The following PPP1R3F variants were observed in gnomAD, a reference collection of about 807,000 sequenced individuals.
PPP1R3F encodes protein phosphatase 1, regulatory (inhibitor) subunit 3F.
PPP1R3F carries 29 observed loss-of-function variants against 24.2 expected under a neutral mutation model. That is an observed-to-expected ratio of 1.20 (90% CI 0.89 to 1.63). PPP1R3F has a LOEUF of 1.63. Among genes scored for constraint, PPP1R3F ranks in the 40% most tolerant of loss-of-function variants. The probability of loss-of-function intolerance (pLI) is 0.00; values close to 1 mark genes in which losing one functional copy is unlikely to be tolerated. For missense variants in PPP1R3F, 823 were observed against 729.3 expected, an observed-to-expected ratio of 1.13 and a Z score of -1.48; for synonymous variants, 363 against 340.1, an observed-to-expected ratio of 1.07 and a Z score of -0.74.
Position 49,270,224 on chromosome X carries a change from T to G in PPP1R3F, c.355T>G (p.Phe119Val). The change falls in exon 1 of 4, where the codon TTT becomes GTT. Residue 119 changes from phenylalanine (F) to valine (V), a missense_variant. Physicochemically the swap from Phe to Val is conservative, Grantham distance 50 (BLOSUM62 -1). Transcript: ENST00000055335. ...AGGGFYLVPT[F>V]SLPPAPGRLE... Reference sequence around the variant, plus strand: ...CGGGGGGTTTTACCTGGTCCCCACATTTTCGCTGCCGCCCGCGCCGGGCCG... The same window carrying G: ...CGGGGGGTTTTACCTGGTCCCCACAGTTTCGCTGCCGCCCGCGCCGGGCCG... The G allele has an allele frequency of 9.1e-7, 1 of 1,096,014 alleles. No individual in the cohort carries two copies. Among genetic ancestry groups the G allele is most frequent in the Non-Finnish European group, 1.2e-6 (1 of 847,382 alleles). The allele number at this position is 1,096,014 out of a possible 1,213,427, so 90.3% of individuals were successfully genotyped here.
chrX:49,280,330 T>C (rs782337811), intron 1 of PPP1R3F, among the ~76,000 whole-genome samples: 1 of 111,175 alleles, frequency 9.0e-6, no homozygotes, highest in South Asian at 3.8e-4. Flanking sequence ...CTCACTGCAA[T>C]CTCTACCTCT....
In PPP1R3F at chrX:49,287,077, CTTGG is replaced by C; in HGVS notation, c.2390_2393del (p.Trp797SerfsTer53). The C allele has an allele frequency of 8.3e-7, 1 of 1,210,648 alleles. No homozygotes were observed. The highest frequency in any genetic ancestry group is 1.1e-6 in the Non-Finnish European group (1 of 895,415). On this transcript the variant is annotated frameshift_variant, in exon 4 of 4. Coordinates refer to ENST00000055335, the MANE Select transcript of PPP1R3F (RefSeq NM_033215.5). LOFTEE classifies it high-confidence loss of function. ...GTGCTTGCGCTGTGCCTCTCTCTGG[CTTGG>C]TTCTCATAGGCTCTGCTTGTGGGAT...
chrX:49,273,825 C>T (rs941627727), intron 1 of PPP1R3F: 1 of 112,399 alleles, frequency 8.9e-6, no homozygotes, highest in Non-Finnish European at 1.9e-5. Context: ...GGGAGAAGTC[C>T]GTGGTAGCCA....
At position 49,281,473 on chromosome X, in the gene PPP1R3F, G is replaced by T; in HGVS notation, c.1060+12G>T. The T allele has an allele frequency of 8.5e-7, 1 of 1,179,993 alleles. No homozygotes were observed. The highest frequency in any genetic ancestry group is 1.2e-6 in the Non-Finnish European group (1 of 868,461). On this transcript the variant is annotated intron_variant, in intron 2 of 3. Coordinates refer to ENST00000055335, the MANE Select transcript of PPP1R3F (RefSeq NM_033215.5). ...CACCTTTGCCATGGGTAAGCAATTG[G>T]CAAGCTTCGGAAGTTTTAGCTTGTA...
At chrX:49,291,673 T>C (rs2066309514), downstream of PPP1R3F, among the ~76,000 whole-genome samples, 3 of 110,084 alleles carry the variant, frequency 2.7e-5, no homozygotes, top group Non-Finnish European at 1.9e-5. Flanking sequence ...CTAGATAAAC[T>C]CTATTTTTAT....
intron 3 of PPP1R3F, among the ~76,000 whole-genome samples, chrX:49,283,953 T>G (rs1487755392): frequency 8.9e-6 from 1 of 111,762 alleles, no homozygotes; most frequent in African/African-American, 3.2e-5. Flanking sequence ...CACCAGCTAT[T>G]TGGCTACTTT....
At chrX:49,300,318 G>T (rs782738196) in intron 3 of PPP1R3F, among the ~76,000 whole-genome samples, 1 of 110,045 alleles carries the variant, frequency 9.1e-6, no homozygotes, top group Non-Finnish European at 1.9e-5. Context: ...ACTCTACTTC[G>T]GCTTGCCTTC....
At chrX:49,288,690 C>A (rs1289702384), downstream of PPP1R3F, among the ~76,000 whole-genome samples, 6 of 112,033 alleles carry the variant, frequency 5.4e-5, no homozygotes, top group African/African-American at 1.9e-4. Context: ...GTGTGTTAGA[C>A]CAGTGGGGAA....
downstream of PPP1R3F, among the ~76,000 whole-genome samples, chrX:49,289,331 C>G (rs1160278656): frequency 1.8e-5 from 2 of 110,990 alleles, no homozygotes; most frequent in Non-Finnish European, 3.8e-5. Context: ...AAAAGCAAAA[C>G]AAAAAGGAGT....
rs2066203007 is a variant in PPP1R3F, at chrX:49,274,872, C to T, written c.1004+3999C>T. 2.7e-5 allele frequency: 3 copies of T among 111,619 alleles called. No homozygotes were observed. In the Admixed American group the frequency reaches 2.9e-4, roughly 11 times the overall value. The allele number at this position is 111,619 out of a possible 1,213,427, so 9.2% of individuals were successfully genotyped here. A position where few individuals can be genotyped will look rare whatever the true frequency, so the allele number is the denominator to read the frequency against. ...AAGTCTGCACGCTGATTTCCCTCCC[C>T]TGTGTTACAGATGACGAGGAGTCCC... On this transcript the variant is annotated intron_variant, in intron 1 of 3. Transcript: ENST00000055335.
Position 49,270,783 on chromosome X carries a change from T to TGCC in PPP1R3F, c.917_919dup (p.Pro306dup), listed in dbSNP as rs1557119119. The TGCC allele has an allele frequency of 8.4e-7, 1 of 1,194,377 alleles. No individual in the cohort carries two copies. The highest frequency in any genetic ancestry group is 1.1e-6 in the Non-Finnish European group (1 of 886,941). On this transcript the variant is annotated inframe_insertion, in exon 1 of 4. Transcript: ENST00000055335. ...GAAGGGCTGCCCCAGCAGCAGCAGC[T>TGCC]GCCGCAGCTGGAGCCACAGCCCGAG... is the stretch of plus-strand genomic sequence containing the variant.
At position 49,284,406 on chromosome X, in the gene PPP1R3F, TCTTTC is replaced by T. The variant is rs782589100; in HGVS notation, c.1144-1418_1144-1414del. Among the ~76,000 whole-genome samples, 325 of 110,331 alleles carry T rather than the reference TCTTTC, an allele frequency of 2.9e-3. 1 individual carries two copies. The highest frequency in any genetic ancestry group is 0.01 in the African/African-American group (309 of 30,369). On this transcript the variant is annotated intron_variant, in intron 3 of 3. Transcript: ENST00000055335. ...TTTCTTTCCTTACCTTTCCTTTCTT[TCTTTC>T]CTTTCCTTTGTCTCTCTCTTTCTTT...
chrX:49,271,995 A>T (rs782606592), intron 1 of PPP1R3F, among the ~76,000 whole-genome samples: 2 of 112,481 alleles, frequency 1.8e-5, no homozygotes, highest in Non-Finnish European at 1.9e-5. Flanking sequence ...CTGGCCCAGG[A>T]TCACTAGATT....
intron 3 of PPP1R3F, among the ~76,000 whole-genome samples, chrX:49,282,827 A>G (rs1347316998): frequency 9.1e-6 from 1 of 109,431 alleles, no homozygotes; most frequent in Non-Finnish European, 1.9e-5. Context: ...GAGCCGCAAG[A>G]GCATTGTGGA....
intron 1 of PPP1R3F, chrX:49,274,429 A>G (rs1315556434): frequency 1.8e-5 from 2 of 111,808 alleles, no homozygotes; most frequent in Non-Finnish European, 3.8e-5. Flanking sequence ...TGTTACTCCA[A>G]AGGGCCTCGC....
At chrX:49,277,318 G>A (rs1200029260) in intron 1 of PPP1R3F, among the ~76,000 whole-genome samples, 1 of 112,328 alleles carries the variant, frequency 8.9e-6, no homozygotes, top group East Asian at 2.8e-4. Context: ...ACGCCCAGGA[G>A]ACTGGCGTGC....
chrX:49,296,251 T>G (rs782053446), intron 3 of PPP1R3F, among the ~76,000 whole-genome samples: 1 of 111,769 alleles, frequency 8.9e-6, no homozygotes, highest in East Asian at 2.8e-4. Context: ...CTTGGGAGGG[T>G]GTATGTATCC....
At chrX:49,280,067 C>T (rs2066238191) in intron 1 of PPP1R3F, among the ~76,000 whole-genome samples, 1 of 111,091 alleles carries the variant, frequency 9.0e-6, no homozygotes, top group South Asian at 3.8e-4. Flanking sequence ...CCTGACTCCC[C>T]GGGGCTCTGT....
chrX:49,281,936 C>T, intron 2 of PPP1R3F, 45 bp from the exon 3 acceptor site: 1 of 993,341 alleles, frequency 1.0e-6, no homozygotes, highest in Non-Finnish European at 1.4e-6. Context: ...ACCATACCTA[C>T]TTGTATGCCT....
Sources: gnomAD v4.1 joint callset for allele counts (sites outside exome capture counted in the v4.1 genomes callset) on GRCh38, gnomAD v4.1.1 for gene constraint, MANE v1.5 for transcripts, NCBI Gene and HGNC (gene_info 2026-07-23, HGNC 2026-07-21) for gene names.